PTPN14: variants seen among roughly 807,000 people sequenced by gnomAD.
The protein encoded by PTPN14 is protein tyrosine phosphatase non-receptor type 14, also known as tyrosine-protein phosphatase non-receptor type 14.
A neutral mutation model predicts 126.8 loss-of-function variants in PTPN14; 53 were observed. The ratio of observed to expected loss-of-function variants is 0.42; its 90% CI spans 0.34 to 0.53. PTPN14 has a LOEUF of 0.53. Ranked by LOEUF, PTPN14 falls within the 20% of genes least tolerant of loss-of-function variation. The pLI, the probability that PTPN14 is intolerant of heterozygous loss-of-function variation, is 0.08. For missense variants in PTPN14, 1,257 were observed against 1,552.9 expected, an observed-to-expected ratio of 0.81 and a Z score of 3.20; for synonymous variants, 630 against 599.3, an observed-to-expected ratio of 1.05 and a Z score of -0.75.
intron 1 of PTPN14, among the ~76,000 whole-genome samples, chr1:214,526,068 C>A (rs1162926091): frequency 6.6e-6 from 1 of 151,498 alleles, no homozygotes; most frequent in Non-Finnish European, 1.5e-5. Flanking sequence ...TGGGTTCCAG[C>A]GATTCTCCTG....
chr1:214,430,642 G>A (rs1659778005), intron 3 of PTPN14, among the ~76,000 whole-genome samples: 1 of 152,174 alleles, frequency 6.6e-6, no homozygotes, highest in Non-Finnish European at 1.5e-5. Flanking sequence ...CTGCTGGCCT[G>A]CCCTGCAGAT....
intron 1 of PTPN14, among the ~76,000 whole-genome samples, chr1:214,513,170 G>T (rs1260881450): frequency 6.6e-6 from 1 of 152,160 alleles, no homozygotes; most frequent in Non-Finnish European, 1.5e-5. Flanking sequence ...ATAGTTGGGG[G>T]AAGCAGTAGG....
chr1:214,523,757 G>A (rs1255507612), intron 1 of PTPN14, among the ~76,000 whole-genome samples: 6 of 152,150 alleles, frequency 3.9e-5, no homozygotes, highest in African/African-American at 7.2e-5. Context: ...CTCCTCCTGC[G>A]GTGGCTGACC....
intron 1 of PTPN14, among the ~76,000 whole-genome samples, chr1:214,500,422 A>G (rs1654653970): frequency 6.6e-6 from 1 of 152,172 alleles, no homozygotes. Context: ...TTTGGATTCA[A>G]CTCTCTACTT....
intron 3 of PTPN14, among the ~76,000 whole-genome samples, chr1:214,424,954 T>C (rs1189439575): frequency 6.6e-6 from 1 of 151,222 alleles, no homozygotes; most frequent in African/African-American, 2.4e-5. Flanking sequence ...ATAACATGCC[T>C]ATCCATCTCT....
intron 1 of PTPN14, among the ~76,000 whole-genome samples, chr1:214,515,105 C>A (rs1180951330): frequency 6.6e-6 from 1 of 152,188 alleles, no homozygotes. Flanking sequence ...CAGGGAATGG[C>A]AGCTTTTCCA....
intron 10 of PTPN14, among the ~76,000 whole-genome samples, 174 bp downstream of exon 10, chr1:214,393,521 G>A (rs1242306299): frequency 6.6e-6 from 1 of 152,178 alleles, no homozygotes; most frequent in East Asian, 1.9e-4. Flanking sequence ...CACGACACTA[G>A]ACAGTCTTCA....
At position 214,350,658 on chromosome 1, in the gene PTPN14, A is replaced by G. The variant is rs1571943168; in HGVS notation, c.*7264T>C. On this transcript the variant is annotated 3_prime_UTR_variant, in exon 19 of 19. Coordinates refer to ENST00000366956, the MANE Select transcript of PTPN14 (RefSeq NM_005401.5). ...CGGGTTCAAGCAATTATCCTGCCTC[A>G]GCCTCCTGAGTAGCTGGGATTACAG... 1.4e-5 allele frequency: 2 copies of G among 142,100 alleles called. No individual in the cohort carries two copies. The highest frequency in any genetic ancestry group is 7.8e-3 in the Middle Eastern group (2 of 258). The allele number at this position is 142,100 out of a possible 1,614,324, so 8.8% of individuals were successfully genotyped here.
chr1:214,505,095 T>C (rs1654802161), intron 1 of PTPN14, among the ~76,000 whole-genome samples: 1 of 151,810 alleles, frequency 6.6e-6, no homozygotes, highest in Non-Finnish European at 1.5e-5. Context: ...CAGTTGAAAT[T>C]TGGGGGCCCC....
At chr1:214,548,356 C>T (rs746986139) in intron 1 of PTPN14, among the ~76,000 whole-genome samples, 1 of 152,246 alleles carries the variant, frequency 6.6e-6, no homozygotes, top group South Asian at 2.1e-4. Flanking sequence ...ACAGAGGAAG[C>T]GTAAATTAAA....
At chr1:214,381,832 C>G (rs183628429) in intron 13 of PTPN14, among the ~76,000 whole-genome samples, 1 of 152,306 alleles carries the variant, frequency 6.6e-6, no homozygotes, top group East Asian at 1.9e-4. Context: ...AGAAGTCAAT[C>G]TGGCTTTGAT....
intron 1 of PTPN14, chr1:214,532,962 GA>G (rs1655592238): frequency 5.1e-6 from 4 of 778,050 alleles, no homozygotes; most frequent in Admixed American, 3.4e-5. Context: ...TGGCTCGGAA[GA>G]ACCGAGAGGA....
intron 1 of PTPN14, among the ~76,000 whole-genome samples, chr1:214,501,868 G>T (rs762967472): frequency 6.6e-6 from 1 of 151,968 alleles, no homozygotes; most frequent in African/African-American, 2.4e-5. Flanking sequence ...GACCATCCTG[G>T]CTAACACGGT....
At chr1:214,391,142 G>C in intron 10 of PTPN14, 97 bp from the exon 11 acceptor site, 1 of 794,230 alleles carries the variant, frequency 1.3e-6, no homozygotes, top group South Asian at 4.3e-5. Flanking sequence ...AACAAGACTG[G>C]TAATCGTTAT....
intron 1 of PTPN14, among the ~76,000 whole-genome samples, chr1:214,470,439 G>A (rs1471240987): frequency 6.6e-6 from 1 of 152,018 alleles, no homozygotes; most frequent in African/African-American, 2.4e-5. Flanking sequence ...TTGGGGTAAT[G>A]GTTACACTAA....
chr1:214,459,437 G>C (rs1372695171), intron 2 of PTPN14, among the ~76,000 whole-genome samples: 1 of 148,334 alleles, frequency 6.7e-6, no homozygotes, highest in Non-Finnish European at 1.5e-5. Flanking sequence ...ACAGGCATGA[G>C]CCACTGTGCC....
intron 3 of PTPN14, among the ~76,000 whole-genome samples, chr1:214,421,346 C>T (rs1028108485): frequency 6.6e-6 from 1 of 152,128 alleles, no homozygotes; most frequent in Admixed American, 6.5e-5. Flanking sequence ...CCAGAATAGG[C>T]AAATTCATAG....
intron 1 of PTPN14, among the ~76,000 whole-genome samples, chr1:214,481,714 G>A (rs61819640): frequency 0.072 from 10,973 of 151,814 alleles, 487 homozygotes; most frequent in South Asian, 0.12. Context: ...AGCTAGGCGC[G>A]GTGGCTCACG....
intron 15 of PTPN14, among the ~76,000 whole-genome samples, chr1:214,375,129 AT>A (rs1658313153): frequency 6.6e-6 from 1 of 152,180 alleles, no homozygotes; most frequent in Non-Finnish European, 1.5e-5. Context: ...GTACTTTCTA[AT>A]TATTAAAAAC....
Sources: gnomAD v4.1 joint callset for allele counts (sites outside exome capture counted in the v4.1 genomes callset) on GRCh38, gnomAD v4.1.1 for gene constraint, MANE v1.5 for transcripts, NCBI Gene and HGNC (gene_info 2026-07-23, HGNC 2026-07-21) for gene names.